The following BAG3 variants were observed in gnomAD, a reference collection of about 807,000 sequenced individuals.
BAG3 encodes the protein BAG cochaperone 3.
In BAG3, 14 loss-of-function variants were observed where a neutral mutation model predicts 40.5. That is an observed-to-expected ratio of 0.35 (90% CI 0.23 to 0.54). The LOEUF (loss-of-function observed/expected upper bound fraction) is 0.54. Ranked by LOEUF, BAG3 falls within the 20% of genes least tolerant of loss-of-function variation. The pLI is 0.91. For missense variants in BAG3, 788 were observed against 758.6 expected, an observed-to-expected ratio of 1.04 and a Z score of -0.46; for synonymous variants, 302 against 307.8, an observed-to-expected ratio of 0.98 and a Z score of 0.20.
chr10:119,654,653 C>A (rs1360042069), intron 1 of BAG3, among the ~76,000 whole-genome samples: 1 of 152,236 alleles, frequency 6.6e-6, no homozygotes, highest in Non-Finnish European at 1.5e-5. Context: ...CACCTGCAGT[C>A]TTCCTGGATT....
chr10:119,676,862 G>A lies in BAG3; in HGVS notation c.1308G>A (p.Glu436=). 6.2e-7 allele frequency: 1 copy of A among 1,614,206 alleles called. No individual in the cohort carries two copies. Among genetic ancestry groups the A allele is most frequent in the African/African-American group, 1.3e-5 (1 of 75,056 alleles). ...EAILEKVQGL[E]QAVDNFEGKK... ...TCCTGGAGAAGGTACAGGGGCTGGA[G>A]CAGGCTGTAGACAACTTTGAAGGCA... is the stretch of plus-strand genomic sequence containing the variant. The change falls in exon 4 of 4, where the codon GAG becomes GAA. Residue 436 remains glutamate, a synonymous_variant. Transcript: ENST00000369085.
At chr10:119,661,089 G>A (rs971257396) in intron 1 of BAG3, among the ~76,000 whole-genome samples, 11 of 148,898 alleles carry the variant, frequency 7.4e-5, no homozygotes, top group East Asian at 2.0e-4. Context: ...GTGAATCTTC[G>A]TCTCAAAAAC....
intron 3 of BAG3, among the ~76,000 whole-genome samples, chr10:119,675,676 C>G (rs1233964068): frequency 1.3e-5 from 2 of 152,156 alleles, no homozygotes; most frequent in Non-Finnish European, 2.9e-5. Context: ...CACCTGAGAG[C>G]TGGAGTCACT....
rs528836045 is a variant in BAG3, at chr10:119,664,045, G to T, written c.181-5806G>T. 2.1e-3 allele frequency among the ~76,000 whole-genome samples: 319 copies of T among 152,282 alleles called. 3 individuals carry two copies. The highest frequency in any genetic ancestry group is 4.0e-3 in the Non-Finnish European group (273 of 68,038). On this transcript the variant is annotated intron_variant, in intron 1 of 3. Coordinates refer to ENST00000369085, the MANE Select transcript of BAG3 (RefSeq NM_004281.4). ...CATGTGAGCCACTTCCGTAACACATGTATTTAGGGGCAGAGCCAGCGTTAG... is the reference window on the plus strand; with the variant it reads ...CATGTGAGCCACTTCCGTAACACATTTATTTAGGGGCAGAGCCAGCGTTAG...
intron 1 of BAG3, among the ~76,000 whole-genome samples, chr10:119,663,363 A>G (rs2134058714): frequency 6.6e-6 from 1 of 152,090 alleles, no homozygotes; most frequent in South Asian, 2.1e-4. Flanking sequence ...GCAGTGCTGC[A>G]ATCTTGGCTC....
At chr10:119,673,881 C>T (rs1847184942) in intron 3 of BAG3, among the ~76,000 whole-genome samples, 1 of 152,208 alleles carries the variant, frequency 6.6e-6, no homozygotes, top group African/African-American at 2.4e-5. Flanking sequence ...GACATCATGT[C>T]CCTTTTCCCC....
At chr10:119,665,429 C>G (rs190795421) in intron 1 of BAG3, among the ~76,000 whole-genome samples, 1 of 151,862 alleles carries the variant, frequency 6.6e-6, no homozygotes, top group Non-Finnish European at 1.5e-5. Context: ...CGTGAGCCAC[C>G]GCGCCCAGCC....
chr10:119,671,905 C>T (rs1847155058), intron 2 of BAG3, among the ~76,000 whole-genome samples: 1 of 152,192 alleles, frequency 6.6e-6, no homozygotes, highest in Non-Finnish European at 1.5e-5. Flanking sequence ...TCCCCTGCCT[C>T]AGCCTCCTGA....
chr10:119,667,003 G>GTCT (rs1244583108), intron 1 of BAG3, among the ~76,000 whole-genome samples: 1 of 151,988 alleles, frequency 6.6e-6, no homozygotes, highest in Admixed American at 6.6e-5. Context: ...TTGAGACAAA[G>GTCT]TCTTGCTCTA....
chr10:119,675,879 C>CCCCCTTCCCCCCCT (rs1847223008), intron 3 of BAG3, among the ~76,000 whole-genome samples: 1 of 16,886 alleles, frequency 5.9e-5, no homozygotes, highest in African/African-American at 2.2e-4. Flanking sequence ...CCCCCTTCTC[C>CCCCCTTCCCCCCCT]CCTTCCTTCC....
At chr10:119,652,763 C>T (rs970422395) in intron 1 of BAG3, among the ~76,000 whole-genome samples, 2 of 152,186 alleles carry the variant, frequency 1.3e-5, no homozygotes, top group East Asian at 1.9e-4. Flanking sequence ...CTTGTGAATA[C>T]AGCAGAAGTA....
chr10:119,677,414 A>G lies in BAG3; in HGVS notation c.*132A>G, dbSNP rs1240785665. The G allele has an allele frequency of 3.4e-5, 36 of 1,058,292 alleles. No individual in the cohort carries two copies. The Admixed American group carries it at 7.0e-4, about 20-fold the overall frequency. 65.6% of individuals were successfully genotyped at this position (1,058,292 alleles called of 1,614,324 possible). A position where few individuals can be genotyped will look rare whatever the true frequency, so the allele number is the denominator to read the frequency against. Reference sequence around the variant, plus strand: ...GTATGCAGTAACTTGGGTGGAGGCAAAACACTAATAAAAGGGCTAAAAAGG... The same window carrying G: ...GTATGCAGTAACTTGGGTGGAGGCAGAACACTAATAAAAGGGCTAAAAAGG... On this transcript the variant is annotated 3_prime_UTR_variant, in exon 4 of 4. Transcript: ENST00000369085.
rs1472323582 is a variant in BAG3 at position 119,677,331 on chromosome 10, A to G, written c.*49A>G. 1 of 1,609,054 alleles carries G rather than the reference A, an allele frequency of 6.2e-7. No homozygotes were observed. The highest frequency in any genetic ancestry group is 8.5e-7 in the Non-Finnish European group (1 of 1,177,434). On this transcript the variant is annotated 3_prime_UTR_variant, in exon 4 of 4. Transcript: ENST00000369085. ...TCGGAACCGATGTGTGCTTTAGGGA[A>G]TTTTAAGTTGCATGCATTTCAGAGA...
chr10:119,658,169 C>T (rs900475317), intron 1 of BAG3, among the ~76,000 whole-genome samples: 21 of 152,296 alleles, frequency 1.4e-4, no homozygotes, highest in African/African-American at 4.8e-4. Context: ...AAAAATTCTT[C>T]CTTGACATTG....
At chr10:119,671,202 G>C (rs1235159115) in intron 2 of BAG3, among the ~76,000 whole-genome samples, 1 of 152,150 alleles carries the variant, frequency 6.6e-6, no homozygotes, top group Non-Finnish European at 1.5e-5. Context: ...CAGCTACTCA[G>C]GAGGCTGAGG....
Position 119,676,620 on chromosome 10 carries a change from C to T in BAG3, c.1066C>T (p.Pro356Ser). The T allele has an allele frequency of 6.2e-7, 1 of 1,614,130 alleles. No homozygotes were observed. The highest frequency in any genetic ancestry group is 8.5e-7 in the Non-Finnish European group (1 of 1,180,026). Residue 356 changes from proline (P) to serine (S), a missense_variant, in exon 4 of 4, where the codon CCA becomes TCA. Coordinates refer to ENST00000369085, the MANE Select transcript of BAG3 (RefSeq NM_004281.4). ...VDSKPVSQKP[P>S]PPSEKVEVKV... ...TTCTAAACCTGTTTCCCAGAAGCCC[C>T]CACCTCCCTCTGAGAAGGTAGAGGT...
intron 3 of BAG3, among the ~76,000 whole-genome samples, chr10:119,675,489 A>G (rs1244079452): frequency 6.6e-6 from 1 of 152,216 alleles, no homozygotes; most frequent in Non-Finnish European, 1.5e-5. Flanking sequence ...CATTTAGAGC[A>G]TCTTGGCTAA....
At chr10:119,665,200 G>A (rs1322357598) in intron 1 of BAG3, among the ~76,000 whole-genome samples, 1 of 138,720 alleles carries the variant, frequency 7.2e-6, no homozygotes, top group South Asian at 2.3e-4. Flanking sequence ...GCAGTGGTGC[G>A]ATCTCGGCTC....
At chr10:119,667,169 G>A (rs1156460629) in intron 1 of BAG3, among the ~76,000 whole-genome samples, 1 of 152,092 alleles carries the variant, frequency 6.6e-6, no homozygotes, top group African/African-American at 2.4e-5. Context: ...TAGAGATGGG[G>A]TTTCACCATG....
Sources: gnomAD v4.1 joint callset for allele counts (sites outside exome capture counted in the v4.1 genomes callset) on GRCh38, gnomAD v4.1.1 for gene constraint, MANE v1.5 for transcripts, NCBI Gene and HGNC (gene_info 2026-07-23, HGNC 2026-07-21) for gene names.